GIN1: variants seen among roughly 807,000 people sequenced by gnomAD.
GIN1 encodes the protein gypsy retrotransposon integrase 1.
In GIN1, 41 loss-of-function variants were observed where a neutral mutation model predicts 51.4. The observed-to-expected ratio is 0.80, with a 90% confidence interval of 0.62 to 1.04. The LOEUF is 1.04. GIN1 is among the 50% of genes least tolerant of loss of function. The probability of loss-of-function intolerance (pLI) is 0.00; values close to 1 mark genes in which losing one functional copy is unlikely to be tolerated. For synonymous variants in GIN1, 222 were observed against 206.5 expected, an observed-to-expected ratio of 1.07 and a Z score of -0.64; for missense variants, 610 against 612.4, an observed-to-expected ratio of 1.00 and a Z score of 0.04.
chr5:103,105,581 A>G (rs1250245545), intron 3 of GIN1, among the ~76,000 whole-genome samples: 1 of 152,228 alleles, frequency 6.6e-6, no homozygotes, highest in Non-Finnish European at 1.5e-5. Context: ...GGAAAAGAAT[A>G]AACATACACA....
intron 2 of GIN1, 61 bp downstream of exon 2, chr5:103,108,508 C>A (rs1259380588): frequency 4.2e-6 from 5 of 1,188,042 alleles, no homozygotes; most frequent in Non-Finnish European, 6.1e-6. Flanking sequence ...CAAACTTCCA[C>A]AAGGAAGAAT....
intron 7 of GIN1, among the ~76,000 whole-genome samples, chr5:103,093,512 T>C (rs1787312497): frequency 1.3e-5 from 2 of 152,240 alleles, no homozygotes; most frequent in Non-Finnish European, 1.5e-5. Context: ...GTAAGATCTA[T>C]GTTGAACTTC....
At chr5:103,089,613 T>A (rs1344351196) in intron 7 of GIN1, among the ~76,000 whole-genome samples, 1 of 152,138 alleles carries the variant, frequency 6.6e-6, no homozygotes, top group Non-Finnish European at 1.5e-5. Flanking sequence ...CATGTCACTA[T>A]GCCTGGCTAA....
In GIN1 at chr5:103,097,627, A is replaced by G. The variant is rs1452064710; in HGVS notation, c.794T>C (p.Leu265Pro). Residue 265 changes from leucine to proline, a missense_variant, in exon 5 of 8, where the codon CTA becomes CCA. Physicochemically the swap from Leu to Pro is moderately conservative, Grantham distance 98. Transcript: ENST00000399004. ...ATTGAAGGCAAATGAAACAGCTGAT[A>G]GGTGATCATCCCAATTGTTTGGGTG... Reference protein sequence around the residue: ...ADHPNNWDDHLSAVSFAFNVT... With the variant: ...ADHPNNWDDHPSAVSFAFNVT... 1 of 1,611,830 alleles carries G rather than the reference A, an allele frequency of 6.2e-7. No individual in the cohort carries two copies. Among genetic ancestry groups the G allele is most frequent in the Non-Finnish European group, 8.5e-7 (1 of 1,178,120 alleles).
chr5:103,099,454 A>G (rs1355404842), intron 4 of GIN1, among the ~76,000 whole-genome samples: 1 of 152,166 alleles, frequency 6.6e-6, no homozygotes, highest in Non-Finnish European at 1.5e-5. Context: ...GCTGATATAC[A>G]TACTAATTCA....
At chr5:103,107,059 G>C in intron 2 of GIN1, 150 bp from the exon 3 acceptor site, 1 of 555,510 alleles carries the variant, frequency 1.8e-6, no homozygotes, top group African/African-American at 2.0e-5. Context: ...TATTTTTAAT[G>C]ATGCTACAAC....
In GIN1 at chr5:103,096,779, A is replaced by C; in HGVS notation, c.1056T>G (p.Val352=). Residue 352 remains valine, a synonymous_variant, in exon 7 of 8, where the codon GTT becomes GTG. Coordinates refer to ENST00000399004, the MANE Select transcript of GIN1 (RefSeq NM_017676.2). ...GATTTAATTGTTTGGGTTTCTTTTT[A>C]ACAATGATCTTGCTTTTATTTAGTT... The part of the protein sequence containing the change: ...LDELNKSKII[V]KKKPKQLNPF... 1 of 1,608,504 alleles carries C rather than the reference A, an allele frequency of 6.2e-7. No homozygotes were observed. Among genetic ancestry groups the C allele is most frequent in the Non-Finnish European group, 8.5e-7 (1 of 1,175,114 alleles).
intron 7 of GIN1, among the ~76,000 whole-genome samples, chr5:103,089,628 G>A (rs919568967): frequency 6.6e-6 from 1 of 152,012 alleles, no homozygotes; most frequent in Admixed American, 6.6e-5. Flanking sequence ...GGCTAATTGT[G>A]TTGCCTAGGT....
Position 103,088,156 on chromosome 5 carries a change from C to A in GIN1, c.1311G>T (p.Leu437Phe). 6.5e-7 allele frequency: 1 copy of A among 1,542,880 alleles called. No individual in the cohort carries two copies. The highest frequency in any genetic ancestry group is 1.3e-5 in the South Asian group (1 of 79,516). ...ESSEQESLYLLQGSVVADHDY... is the reference protein window; with the variant it reads ...ESSEQESLYLFQGSVVADHDY... ...CATGATCTGCCACTACTGAACCTTG[C>A]AAGAGATAAAGACTTTCTGAAAAAA... The change falls in exon 8 of 8, where the codon TTG becomes TTT. Residue 437 changes from leucine to phenylalanine, a missense_variant. Coordinates refer to ENST00000399004, the MANE Select transcript of GIN1 (RefSeq NM_017676.2).
intron 7 of GIN1, among the ~76,000 whole-genome samples, chr5:103,090,301 G>A (rs1348342467): frequency 2.6e-5 from 4 of 152,094 alleles, no homozygotes; most frequent in African/African-American, 4.8e-5. Context: ...CAACAACAAC[G>A]AAAATCATGC....
chr5:103,117,412 A>T lies in GIN1; in HGVS notation c.-8+2652T>A, dbSNP rs1013020786. Among the ~76,000 whole-genome samples the T allele has an allele frequency of 2.6e-5, 4 of 152,208 alleles. No individual in the cohort carries two copies. In the East Asian group the frequency reaches 7.7e-4, roughly 29 times the overall value. On this transcript the variant is annotated intron_variant, in intron 1 of 7. Transcript: ENST00000399004. The stretch of plus-strand genomic sequence containing the variant: ...TGCCAACGCAATTGCACTGCATAAG[A>T]ATGTTTTGGTCAAGGATGGACTGCC...
At chr5:103,104,142 T>C (rs1303787389) in intron 4 of GIN1, among the ~76,000 whole-genome samples, 1 of 152,040 alleles carries the variant, frequency 6.6e-6, no homozygotes, top group African/African-American at 2.4e-5. Flanking sequence ...TTTGTAGAGA[T>C]GGAGTTTCGC....
chr5:103,088,144 T>C lies in GIN1; in HGVS notation c.1323A>G (p.Val441=), dbSNP rs781848783. ...ATCCAATGTAGTCATGATCTGCCAC[T>C]ACTGAACCTTGCAAGAGATAAAGAC... The part of the protein sequence containing the change: ...QESLYLLQGS[V]VADHDYIGLP... Residue 441 remains valine, a synonymous_variant, in exon 8 of 8, where the codon GTA becomes GTG. Coordinates refer to ENST00000399004, the MANE Select transcript of GIN1 (RefSeq NM_017676.2). The C allele has an allele frequency of 6.3e-7, 1 of 1,585,854 alleles. No homozygotes were observed. The highest frequency in any genetic ancestry group is 1.8e-5 in the Admixed American group (1 of 55,844).
intron 1 of GIN1, among the ~76,000 whole-genome samples, chr5:103,119,226 G>A (rs1447352693): frequency 6.6e-6 from 1 of 152,146 alleles, no homozygotes; most frequent in Non-Finnish European, 1.5e-5. Context: ...CCCCTAAAAG[G>A]TTATAATACC....
chr5:103,119,422 T>C (rs1271072301), intron 1 of GIN1, among the ~76,000 whole-genome samples: 1 of 152,174 alleles, frequency 6.6e-6, no homozygotes, highest in Non-Finnish European at 1.5e-5. Context: ...ACAAATTCAT[T>C]GAACAAAAAA....
intron 4 of GIN1, 147 bp downstream of exon 4, chr5:103,104,394 T>TTGTAG: frequency 1.8e-6 from 1 of 545,810 alleles, no homozygotes; most frequent in Middle Eastern, 4.8e-4. Context: ...ACAACTATCC[T>TTGTAG]TGTAGTATTT....
chr5:103,103,494 C>A (rs1554195967), intron 4 of GIN1, among the ~76,000 whole-genome samples: 1 of 152,206 alleles, frequency 6.6e-6, no homozygotes, highest in Non-Finnish European at 1.5e-5. Context: ...TTCTTTTGGA[C>A]TGAGCCATCA....
rs368036001 is a variant in GIN1, at chr5:103,113,521, CTT to C, written c.-7-4809_-7-4808del. ...AAGTCACCTCCTCAAAGTTCCACCT[CTT>C]TTTTTTTTTTTTTTTTGAGACAGAG... On this transcript the variant is annotated intron_variant, in intron 1 of 7. Transcript: ENST00000399004. Among the ~76,000 whole-genome samples the C allele has an allele frequency of 7.9e-3, 1,043 of 132,478 alleles. 9 individuals are homozygous for C. The highest frequency in any genetic ancestry group is 0.026 in the African/African-American group (935 of 36,342). 86.9% of individuals were successfully genotyped at this position (132,478 alleles called of 152,430 possible).
chr5:103,109,269 T>C (rs897433100), intron 1 of GIN1, among the ~76,000 whole-genome samples: 10 of 152,088 alleles, frequency 6.6e-5, no homozygotes, highest in Non-Finnish European at 1.5e-4. Flanking sequence ...AGGAGCTCCA[T>C]TAAATTTTCT....
Sources: allele counts gnomAD v4.1 joint callset (sites outside exome capture counted in the v4.1 genomes callset), GRCh38; gene constraint gnomAD v4.1.1; transcripts MANE v1.5; gene names NCBI Gene and HGNC (gene_info 2026-07-23, HGNC 2026-07-21).